SEPSECS: variants seen among roughly 807,000 people sequenced by gnomAD.
SEPSECS encodes the protein Sep (O-phosphoserine) tRNA:Sec (selenocysteine) tRNA synthase.
A neutral mutation model predicts 52.1 loss-of-function variants in SEPSECS; 42 were observed. That is an observed-to-expected ratio of 0.81 (90% CI 0.63 to 1.04). The LOEUF (loss-of-function observed/expected upper bound fraction) is 1.04. Among genes scored for constraint, SEPSECS ranks in the 50% least tolerant of loss-of-function variants. The probability of loss-of-function intolerance (pLI) is 0.00; values close to 1 mark genes in which losing one functional copy is unlikely to be tolerated. For missense variants in SEPSECS, 590 were observed against 610.6 expected (o/e 0.97, Z 0.36); for synonymous variants, 216 against 211.4 (o/e 1.02, Z -0.19).
intron 4 of SEPSECS, 145 bp downstream of exon 4, chr4:25,155,892 T>C (rs1712593433): frequency 2.9e-6 from 2 of 688,374 alleles, no homozygotes; most frequent in Non-Finnish European, 4.8e-6. Context: ...AACATTAAAT[T>C]TTGTTACATA....
rs1261416908 is a variant in SEPSECS, at chr4:25,151,814, T to C, written c.804+146A>G. ...AGAATAATGACTTTTATTGAGAGAT[T>C]ATCAGATGTAAGTTCCTAACACAAC... On this transcript the variant is annotated intron_variant, in intron 6 of 10. Coordinates refer to ENST00000382103, the MANE Select transcript of SEPSECS (RefSeq NM_016955.4). The C allele has an allele frequency of 9.4e-6, 6 of 638,226 alleles. No homozygotes were observed. In the East Asian group the frequency reaches 1.5e-4, roughly 16 times the overall value. The allele number at this position is 638,226 out of a possible 1,614,324, so 39.5% of individuals were successfully genotyped here.
intron 8 of SEPSECS, among the ~76,000 whole-genome samples, chr4:25,128,991 CACAA>C (rs1377988367): frequency 2.0e-5 from 3 of 152,184 alleles, no homozygotes; most frequent in Admixed American, 2.0e-4. Flanking sequence ...TACTTAAGAC[CACAA>C]ACATTTTCAC....
Position 25,127,340 on chromosome 4 carries a change from C to T in SEPSECS, c.1044G>A (p.Leu348=). ...CTGACAACTTCTTTATTTGGTTGGA[C>T]AAATATGAAAACATTTCCTGCAACA... The part of the protein sequence containing the change: ...LKERKEMFSY[L]SNQIKKLSEA... The change falls in exon 9 of 11, where the codon TTG becomes TTA. Residue 348 remains leucine, a synonymous_variant. Coordinates refer to ENST00000382103, the MANE Select transcript of SEPSECS (RefSeq NM_016955.4). 6.2e-7 allele frequency: 1 copy of T among 1,612,182 alleles called. No individual in the cohort carries two copies. Among genetic ancestry groups the T allele is most frequent in the Non-Finnish European group, 8.5e-7 (1 of 1,178,678 alleles).
intron 8 of SEPSECS, among the ~76,000 whole-genome samples, chr4:25,139,155 A>T (rs1469294751): frequency 6.6e-6 from 1 of 152,126 alleles, no homozygotes; most frequent in Non-Finnish European, 1.5e-5. Flanking sequence ...CATAATTCTC[A>T]TCAGATTTGT....
chr4:25,158,703 C>T (rs1712843470), intron 2 of SEPSECS, among the ~76,000 whole-genome samples: 1 of 152,146 alleles, frequency 6.6e-6, no homozygotes, highest in Non-Finnish European at 1.5e-5. Context: ...AACGTATAGC[C>T]TGTGTTAGTC....
rs181178007 is a variant in SEPSECS at position 25,131,287 on chromosome 4, C to T, written c.1027-3930G>A. Among the ~76,000 whole-genome samples the T allele has an allele frequency of 1.7e-3, 258 of 152,256 alleles. 2 individuals carry two copies. The highest frequency in any genetic ancestry group is 6.1e-3 in the African/African-American group (253 of 41,546). On this transcript the variant is annotated intron_variant, in intron 8 of 10. Coordinates refer to ENST00000382103, the MANE Select transcript of SEPSECS (RefSeq NM_016955.4). Reference sequence around the variant, plus strand: ...ATGTAATCACACCTTTGGAAACATACTGTTTCATGTTATAGGATAAAATAA... The same window carrying T: ...ATGTAATCACACCTTTGGAAACATATTGTTTCATGTTATAGGATAAAATAA...
At chr4:25,160,531 G>A (rs906797751), upstream of SEPSECS, 114 of 615,544 alleles carry the variant, frequency 1.9e-4, no homozygotes, top group Non-Finnish European at 4.5e-5. Flanking sequence ...TCTCGTTCGT[G>A]CACATGCGCA....
chr4:25,121,646 G>C lies in SEPSECS; in HGVS notation c.*2285C>G, dbSNP rs897524522. 2 of 152,124 alleles carry C rather than the reference G, an allele frequency of 1.3e-5. No homozygotes were observed. The highest frequency in any genetic ancestry group is 2.9e-5 in the Non-Finnish European group (2 of 67,994). 9.4% of individuals were successfully genotyped at this position (152,124 alleles called of 1,614,324 possible). ...GACAGAACTCTTCAAAAACTCTTGT[G>C]AATTCTATGCCCTCAAATTTTAAGC... On this transcript the variant is annotated 3_prime_UTR_variant, in exon 11 of 11. Transcript: ENST00000382103.
intron 6 of SEPSECS, among the ~76,000 whole-genome samples, chr4:25,147,101 A>ACGC (rs1491325782): frequency 2.0e-5 from 3 of 152,190 alleles, no homozygotes; most frequent in African/African-American, 7.2e-5. Flanking sequence ...CTCCTGCCTC[A>ACGC]GAGTCTTGGC....
At chr4:25,145,495 C>T (rs191789179) in intron 6 of SEPSECS, among the ~76,000 whole-genome samples, 1 of 152,312 alleles carries the variant, frequency 6.6e-6, no homozygotes, top group East Asian at 1.9e-4. Context: ...AACCTGCTTT[C>T]ACACATAAAT....
chr4:25,159,910 CGTTGAGG>C lies in SEPSECS; in HGVS notation c.114+339_114+345del, dbSNP rs1419741164. ...ACAAACACCATTATGTGTTCTGAGTCGTTGAGGGTTGGTGAAAGATGGAGGTGCGAAC... is the reference window on the plus strand; with the variant it reads ...ACAAACACCATTATGTGTTCTGAGTCGTTGGTGAAAGATGGAGGTGCGAAC... On this transcript the variant is annotated intron_variant, in intron 1 of 10. Coordinates refer to ENST00000382103, the MANE Select transcript of SEPSECS (RefSeq NM_016955.4). 41 of 1,185,378 alleles carry C rather than the reference CGTTGAGG, an allele frequency of 3.5e-5. 1 individual carries two copies. Among genetic ancestry groups the C allele is most frequent in the Non-Finnish European group, 4.0e-5 (38 of 946,070 alleles). 73.4% of individuals were successfully genotyped at this position (1,185,378 alleles called of 1,614,324 possible). A position where few individuals can be genotyped will look rare whatever the true frequency, so the allele number is the denominator to read the frequency against.
chr4:25,151,599 A>C (rs956743106), intron 6 of SEPSECS, among the ~76,000 whole-genome samples: 19 of 152,256 alleles, frequency 1.2e-4, no homozygotes, highest in Non-Finnish European at 5.9e-5. Flanking sequence ...AGTCTAAGAT[A>C]ATAAGGTACA....
At chr4:25,134,320 ATGTGTG>A (rs3066762) in intron 8 of SEPSECS, among the ~76,000 whole-genome samples, 6,387 of 145,044 alleles carry the variant, frequency 0.044, 192 homozygotes, top group East Asian at 0.17. Context: ...ATCTTTAAAA[ATGTGTG>A]TGTGTGTGTG....
Position 25,145,015 on chromosome 4 carries a change from T to G in SEPSECS, c.923A>C (p.Lys308Thr). The change falls in exon 7 of 11, where the codon AAG (lysine) becomes ACG (threonine). Residue 308 changes from lysine to threonine, a missense_variant. Physicochemically the swap from Lys to Thr is moderately conservative, Grantham distance 78. Coordinates refer to ENST00000382103, the MANE Select transcript of SEPSECS (RefSeq NM_016955.4). ...FNDSFIQEIS[K>T]MYPGRASASP... is the part of the protein sequence containing the mutation. ...ACTTATTTATTTACCTGGATACATC[T>G]TGCTGATTTCCTGAATGAATGAATC... 9 of 1,614,018 alleles carry G rather than the reference T, an allele frequency of 5.6e-6. No individual in the cohort carries two copies. The highest frequency in any genetic ancestry group is 7.6e-6 in the Non-Finnish European group (9 of 1,179,954).
At chr4:25,157,546 T>A (rs1712750294) in intron 2 of SEPSECS, among the ~76,000 whole-genome samples, 3 of 151,848 alleles carry the variant, frequency 2.0e-5, no homozygotes, top group Admixed American at 2.0e-4. Context: ...TATCTTTTTT[T>A]TTTTTTTTTT....
rs1166161334 is a variant in SEPSECS at position 25,121,016 on chromosome 4, T to C, written c.*2915A>G. The C allele has an allele frequency of 6.6e-6, 1 of 152,150 alleles. No homozygotes were observed. The highest frequency in any genetic ancestry group is 6.5e-5 in the Admixed American group (1 of 15,280). The allele number at this position is 152,150 out of a possible 1,614,324, so 9.4% of individuals were successfully genotyped here. A position where few individuals can be genotyped will look rare whatever the true frequency, so the allele number is the denominator to read the frequency against. ...CACAGTGAAGTGCTGATCATAATAT[T>C]AGAAAAATTTAATTTATATTTAAAT... On this transcript the variant is annotated 3_prime_UTR_variant, in exon 11 of 11. Transcript: ENST00000382103.
intron 6 of SEPSECS, among the ~76,000 whole-genome samples, chr4:25,146,509 A>G (rs561088824): frequency 2.0e-4 from 31 of 152,338 alleles, no homozygotes; most frequent in Non-Finnish European, 1.6e-4. Context: ...GTAGCAGCAT[A>G]TAAAGATAAG....
At chr4:25,133,995 C>A (rs1338819405) in intron 8 of SEPSECS, among the ~76,000 whole-genome samples, 1 of 151,020 alleles carries the variant, frequency 6.6e-6, no homozygotes, top group Non-Finnish European at 1.5e-5. Context: ...TGGCGGCATG[C>A]ACCTGTGGAC....
At chr4:25,150,890 C>T (rs1052274295) in intron 6 of SEPSECS, among the ~76,000 whole-genome samples, 3 of 151,950 alleles carry the variant, frequency 2.0e-5, no homozygotes, top group South Asian at 2.1e-4. Flanking sequence ...ACCTGTGGTC[C>T]CAGCTACCCG....
Sources: allele counts gnomAD v4.1 joint callset (sites outside exome capture counted in the v4.1 genomes callset), GRCh38; gene constraint gnomAD v4.1.1; transcripts MANE v1.5; gene names NCBI Gene and HGNC (gene_info 2026-07-23, HGNC 2026-07-21).